Variants in ZNF804B observed in about 807,000 individuals in gnomAD.
The protein encoded by ZNF804B is zinc finger 804B.
In ZNF804B, 80 loss-of-function variants were observed where a neutral mutation model predicts 101.4. The observed-to-expected ratio is 0.79, with a 90% CI of 0.66 to 0.95. ZNF804B has a LOEUF of 0.95. Among genes scored for constraint, ZNF804B ranks in the 40% least tolerant of loss-of-function variants. The pLI is 0.00. For synonymous variants in ZNF804B, 622 were observed against 558.8 expected, an observed-to-expected ratio of 1.11 and a Z score of -1.59; for missense variants, 1,673 against 1,561.9, an observed-to-expected ratio of 1.07 and a Z score of -1.20.
chr7:89,274,734 A>G (rs913920931), intron 2 of ZNF804B, among the ~76,000 whole-genome samples: 1 of 151,810 alleles, frequency 6.6e-6, no homozygotes, highest in African/African-American at 2.4e-5. Context: ...AGAGTCTTAT[A>G]TCAACTCTTC....
At chr7:89,146,454 G>C (rs1168177202) in intron 1 of ZNF804B, among the ~76,000 whole-genome samples, 1 of 152,030 alleles carries the variant, frequency 6.6e-6, no homozygotes, top group African/African-American at 2.4e-5. Flanking sequence ...TGACAAGCTG[G>C]AAGTAGCTTC....
intron 1 of ZNF804B, among the ~76,000 whole-genome samples, chr7:89,199,247 T>C (rs1788597079): frequency 6.6e-6 from 1 of 151,832 alleles, no homozygotes; most frequent in South Asian, 2.1e-4. Context: ...GAGGCCAGGC[T>C]TTCCCTTTCC....
chr7:88,847,104 T>C (rs1791384072), intron 1 of ZNF804B, among the ~76,000 whole-genome samples: 1 of 152,024 alleles, frequency 6.6e-6, no homozygotes, highest in Non-Finnish European at 1.5e-5. Flanking sequence ...TTGAAGATAC[T>C]CTCAGTGTAA....
At chr7:88,854,414 C>CCTTCCTTCCTTTCTTT (rs1232481883) in intron 1 of ZNF804B, among the ~76,000 whole-genome samples, 2 of 57,076 alleles carry the variant, frequency 3.5e-5, no homozygotes, top group African/African-American at 1.3e-4. Context: ...TTTCTTTCTT[C>CCTTCCTTCCTTTCTTT]CTTTCTTTCT....
intron 1 of ZNF804B, among the ~76,000 whole-genome samples, chr7:88,879,003 G>A (rs1220664644): frequency 6.6e-6 from 1 of 152,098 alleles, no homozygotes; most frequent in African/African-American, 2.4e-5. Context: ...CACTCTGCCA[G>A]GCAATATTAG....
intron 2 of ZNF804B, among the ~76,000 whole-genome samples, chr7:89,236,684 G>C (rs1384945447): frequency 2.0e-5 from 3 of 152,030 alleles, no homozygotes; most frequent in African/African-American, 7.2e-5. Flanking sequence ...AATAAATTGA[G>C]ATTAGCATAC....
chr7:89,248,690 T>G (rs1789488726), intron 2 of ZNF804B, among the ~76,000 whole-genome samples: 1 of 152,012 alleles, frequency 6.6e-6, no homozygotes, highest in African/African-American at 2.4e-5. Context: ...AAAATACACT[T>G]AAGTACCTAG....
At chr7:88,899,329 CT>C (rs1792355508) in intron 1 of ZNF804B, among the ~76,000 whole-genome samples, 2 of 152,044 alleles carry the variant, frequency 1.3e-5, no homozygotes, top group Non-Finnish European at 2.9e-5. Context: ...ACCTAGTCAC[CT>C]TATACAAAAT....
intron 2 of ZNF804B, among the ~76,000 whole-genome samples, chr7:89,231,219 T>C (rs1183883254): frequency 6.6e-6 from 1 of 152,064 alleles, no homozygotes; most frequent in Non-Finnish European, 1.5e-5. Flanking sequence ...TTGTGTCTCA[T>C]GGATTTACTT....
chr7:89,082,204 C>T (rs1245957994), intron 1 of ZNF804B, among the ~76,000 whole-genome samples: 1 of 151,398 alleles, frequency 6.6e-6, no homozygotes, highest in Admixed American at 6.6e-5. Context: ...GGAACAAATG[C>T]CAAATGACAA....
chr7:88,938,946 T>G (rs1033906581), intron 1 of ZNF804B, among the ~76,000 whole-genome samples: 15 of 152,190 alleles, frequency 9.9e-5, no homozygotes, highest in Non-Finnish European at 1.5e-4. Context: ...ACAAAAATTT[T>G]GATTAACCTA....
intron 2 of ZNF804B, among the ~76,000 whole-genome samples, chr7:89,241,418 A>G (rs541113182): frequency 6.6e-6 from 1 of 152,158 alleles, no homozygotes; most frequent in South Asian, 2.1e-4. Flanking sequence ...CCTGAAATAC[A>G]CTATTTACCC....
At chr7:88,783,704 T>C (rs897421496) in intron 1 of ZNF804B, among the ~76,000 whole-genome samples, 2 of 152,092 alleles carry the variant, frequency 1.3e-5, no homozygotes, top group South Asian at 2.1e-4. Context: ...AAAGAGTAGA[T>C]TGAACTTCCT....
intron 1 of ZNF804B, among the ~76,000 whole-genome samples, chr7:88,919,217 A>G (rs1166737907): frequency 6.6e-6 from 1 of 152,152 alleles, no homozygotes; most frequent in East Asian, 1.9e-4. Flanking sequence ...TAAACCATTG[A>G]TGATGCCTTA....
At chr7:88,794,505 C>T (rs756770295) in intron 1 of ZNF804B, 13 of 1,613,628 alleles carry the variant, frequency 8.1e-6, no homozygotes, top group South Asian at 3.3e-5. Context: ...CTGAAACATG[C>T]CATTGCATAA....
intron 1 of ZNF804B, among the ~76,000 whole-genome samples, chr7:88,884,639 A>G (rs1792095616): frequency 6.6e-6 from 1 of 151,848 alleles, no homozygotes; most frequent in African/African-American, 2.4e-5. Flanking sequence ...AGCAATTTAT[A>G]TTGCCTATTA....
At chr7:88,904,542 A>G (rs1792439445) in intron 1 of ZNF804B, among the ~76,000 whole-genome samples, 1 of 152,166 alleles carries the variant, frequency 6.6e-6, no homozygotes, top group South Asian at 2.1e-4. Flanking sequence ...TGCTTTGGGT[A>G]GTATGGCAAT....
intron 2 of ZNF804B, among the ~76,000 whole-genome samples, chr7:89,289,236 T>C (rs1790251211): frequency 6.6e-6 from 1 of 152,102 alleles, no homozygotes; most frequent in African/African-American, 2.4e-5. Context: ...TCAACTGCAG[T>C]TGTCGTTACG....
intron 3 of ZNF804B, 137 bp downstream of exon 3, chr7:89,327,611 C>A (rs1790914969): frequency 8.7e-7 from 1 of 1,150,084 alleles, no homozygotes. Flanking sequence ...TATAGTTAAA[C>A]ATACATAAAT....
Sources: gnomAD v4.1 joint callset for allele counts (sites outside exome capture counted in the v4.1 genomes callset) on GRCh38, gnomAD v4.1.1 for gene constraint, MANE v1.5 for transcripts, NCBI Gene and HGNC (gene_info 2026-07-23, HGNC 2026-07-21) for gene names.